Variants in NCAPG2 observed in about 807,000 individuals in gnomAD.
NCAPG2 encodes condensin-2 complex subunit G2.
A neutral mutation model predicts 141.1 loss-of-function variants in NCAPG2; 53 were observed. That is an observed-to-expected ratio of 0.38 (90% CI 0.30 to 0.47). The LOEUF (loss-of-function observed/expected upper bound fraction) is 0.47, where lower values mean the gene tolerates loss of function less well. Among genes scored for constraint, NCAPG2 ranks in the 20% least tolerant of loss-of-function variants. The pLI is 0.99. For missense variants in NCAPG2, 1,087 were observed against 1,389.0 expected, an observed-to-expected ratio of 0.78 and a Z score of 3.46; for synonymous variants, 499 against 490.7, an observed-to-expected ratio of 1.02 and a Z score of -0.22.
chr7:158,656,941 G>T (rs1587132596), intron 17 of NCAPG2, among the ~76,000 whole-genome samples: 2 of 152,314 alleles, frequency 1.3e-5, no homozygotes, highest in South Asian at 4.1e-4. Context: ...GCAGGGCACA[G>T]CAGCCACACA....
chr7:158,678,672 A>G (rs982586856), intron 11 of NCAPG2, among the ~76,000 whole-genome samples: 5 of 151,390 alleles, frequency 3.3e-5, no homozygotes, highest in Non-Finnish European at 7.4e-5. Flanking sequence ...TGGGAGACAG[A>G]GCACGACTCT....
intron 7 of NCAPG2, among the ~76,000 whole-genome samples, chr7:158,686,448 C>T (rs370544348): frequency 1.3e-5 from 2 of 152,282 alleles, no homozygotes; most frequent in African/African-American, 4.8e-5. Context: ...AAGTGACGAA[C>T]TATTTCATCC....
chr7:158,679,957 T>C lies in NCAPG2; in HGVS notation c.1146+3A>G. 6 of 1,613,778 alleles carry C rather than the reference T, an allele frequency of 3.7e-6. No individual in the cohort carries two copies. The South Asian group carries it at 4.4e-5, about 12-fold the overall frequency. On this transcript the variant is annotated splice_donor_region_variant and intron_variant, in intron 11 of 27. Coordinates refer to ENST00000356309, the MANE Select transcript of NCAPG2 (RefSeq NM_017760.7). Reference sequence around the variant, plus strand: ...AAGAAGCTTGACCACCTGAAGTACGTACATAGAGCTCTTCAAACTGTTTCT... The same window carrying C: ...AAGAAGCTTGACCACCTGAAGTACGCACATAGAGCTCTTCAAACTGTTTCT...
At chr7:158,686,386 T>C (rs1442728309) in intron 7 of NCAPG2, 145 bp from the exon 8 acceptor site, 1 of 497,018 alleles carries the variant, frequency 2.0e-6, no homozygotes, top group Non-Finnish European at 3.6e-6. Flanking sequence ...AAATAGGTTA[T>C]CTACCTGTAG....
intron 13 of NCAPG2, among the ~76,000 whole-genome samples, chr7:158,669,788 A>G (rs1833559991): frequency 6.6e-6 from 1 of 151,084 alleles, no homozygotes; most frequent in African/African-American, 2.4e-5. Context: ...AAAAAAAAAA[A>G]AAAAAAAATT....
At chr7:158,646,602 T>A (rs1831036826) in intron 24 of NCAPG2, 39 bp from the exon 25 acceptor site, 1 of 1,373,536 alleles carries the variant, frequency 7.3e-7, no homozygotes, top group Non-Finnish European at 1.0e-6. Flanking sequence ...AAACAGAGAC[T>A]AGGCTACTTA....
In NCAPG2 at chr7:158,683,289, C is replaced by A. The variant is rs1214070519; in HGVS notation, c.924+11G>T. 1 of 1,547,890 alleles carries A rather than the reference C, an allele frequency of 6.5e-7. No homozygotes were observed. Among genetic ancestry groups the A allele is most frequent in the South Asian group, 1.2e-5 (1 of 83,068 alleles). ...AACATTATTTCAAAAACAATCTGTTCACAATCTTACCTCCCGCACTTTGGA... is the reference window on the plus strand; with the variant it reads ...AACATTATTTCAAAAACAATCTGTTAACAATCTTACCTCCCGCACTTTGGA... On this transcript the variant is annotated intron_variant, in intron 9 of 27. Transcript: ENST00000356309.
intron 12 of NCAPG2, 52 bp from the exon 13 acceptor site, chr7:158,671,718 G>T: frequency 6.3e-7 from 1 of 1,578,794 alleles, no homozygotes; most frequent in Non-Finnish European, 8.6e-7. Context: ...GCCAATGAAA[G>T]GTTCAGGTAG....
At chr7:158,669,035 T>C (rs751061585) in intron 13 of NCAPG2, among the ~76,000 whole-genome samples, 20 of 152,242 alleles carry the variant, frequency 1.3e-4, no homozygotes, top group Admixed American at 6.5e-4. Context: ...TGTTTTCTGT[T>C]CCTGCGTTTG....
At chr7:158,697,476 CT>C (rs1835520943) in intron 2 of NCAPG2, among the ~76,000 whole-genome samples, 1 of 151,994 alleles carries the variant, frequency 6.6e-6, no homozygotes. Context: ...TGGCGTGTGC[CT>C]GTAATCTCAA....
chr7:158,641,690 G>A (rs193292158), intron 27 of NCAPG2: 185 of 458,984 alleles, frequency 4.0e-4, no homozygotes, highest in African/African-American at 2.0e-5. Context: ...AGATAAAGAA[G>A]AGCATTACAT....
At chr7:158,658,280 A>C in intron 17 of NCAPG2, 58 bp downstream of exon 17, 1 of 1,467,820 alleles carries the variant, frequency 6.8e-7, no homozygotes, top group Non-Finnish European at 9.3e-7. Context: ...TTAATAATTC[A>C]GCACAACAAT....
In NCAPG2 at chr7:158,655,112, T is replaced by TG; in HGVS notation, c.2646+5_2646+6insC. 1 of 1,606,270 alleles carries TG rather than the reference T, an allele frequency of 6.2e-7. No individual in the cohort carries two copies. The highest frequency in any genetic ancestry group is 8.5e-7 in the Non-Finnish European group (1 of 1,178,002). On this transcript the variant is annotated splice_donor_region_variant and intron_variant, in intron 21 of 27. Transcript: ENST00000356309. ...AGAAAGTTTTCTGTGTCTTAAGACT[T>TG]CTAACCTGGATAATTTGCTGATAAA...
intron 3 of NCAPG2, 22 bp from the exon 4 acceptor site, chr7:158,692,978 A>G: frequency 1.4e-6 from 2 of 1,404,004 alleles, no homozygotes; most frequent in Non-Finnish European, 2.0e-6. Context: ...AAATCAAAGC[A>G]TGAGTGAATT....
chr7:158,636,956 T>A (rs1386357813), intron 27 of NCAPG2, among the ~76,000 whole-genome samples: 1 of 146,406 alleles, frequency 6.8e-6, no homozygotes, highest in Non-Finnish European at 1.5e-5. Flanking sequence ...CTTCTTCTTC[T>A]TTTTTTTTTG....
intron 27 of NCAPG2, among the ~76,000 whole-genome samples, chr7:158,634,293 A>G (rs190512075): frequency 6.6e-6 from 1 of 152,308 alleles, no homozygotes; most frequent in East Asian, 1.9e-4. Context: ...TACCTAATAC[A>G]AGGTAAATGC....
intron 12 of NCAPG2, among the ~76,000 whole-genome samples, chr7:158,673,313 G>A (rs550359802): frequency 6.6e-6 from 1 of 152,324 alleles, no homozygotes; most frequent in South Asian, 2.1e-4. Flanking sequence ...GTGGAGACAG[G>A]GTGGTTGCTA....
At chr7:158,657,908 T>C (rs1397637538) in intron 17 of NCAPG2, among the ~76,000 whole-genome samples, 3 of 151,942 alleles carry the variant, frequency 2.0e-5, no homozygotes, top group African/African-American at 7.3e-5. Context: ...TTAAATGGAT[T>C]AAGGGCGGTG....
intron 27 of NCAPG2, among the ~76,000 whole-genome samples, chr7:158,637,040 C>CG (rs1215224326): frequency 1.7e-4 from 26 of 151,860 alleles, no homozygotes; most frequent in Non-Finnish European, 2.8e-4. Flanking sequence ...TTCCGCCTCC[C>CG]GGGTTCATGC....
Sources: allele counts gnomAD v4.1 joint callset (sites outside exome capture counted in the v4.1 genomes callset), GRCh38; gene constraint gnomAD v4.1.1; transcripts MANE v1.5; gene names NCBI Gene and HGNC (gene_info 2026-07-23, HGNC 2026-07-21).